DRC11: variants seen among roughly 807,000 people sequenced by gnomAD.
The protein encoded by DRC11 is IQ and AAA domain-containing protein 1.
chr2:236,465,647 G>C, the DRC11 span: 1 of 1,613,836 alleles, frequency 6.2e-7, no homozygotes. The surrounding 1 kb of genome is among the most constrained non-coding windows in gnomAD (Gnocchi z 6.2). Context: ...TCATTCCGCA[G>C]GCGGTCCACC....
chr2:236,367,263 A>G, the DRC11 span, among the ~76,000 whole-genome samples: 5 of 148,298 alleles, frequency 3.4e-5, no homozygotes, highest in Admixed American at 1.4e-4. The surrounding 1 kb of genome is among the most constrained non-coding windows in gnomAD (Gnocchi z 4.8). Flanking sequence ...TTTGTTATAT[A>G]TAATATAAAT....
chr2:236,325,153 C>T, the DRC11 span, among the ~76,000 whole-genome samples: 95 of 152,178 alleles, frequency 6.2e-4, no homozygotes, highest in South Asian at 3.5e-3. The surrounding 1 kb of genome is among the most constrained non-coding windows in gnomAD (Gnocchi z 4.4). Context: ...AAACAATGGG[C>T]GGCCATTCAA....
the DRC11 span, among the ~76,000 whole-genome samples, chr2:236,466,940 C>T: frequency 6.6e-6 from 1 of 152,206 alleles, no homozygotes; most frequent in Admixed American, 6.5e-5. Context: ...TAAGGACTAG[C>T]ATTTCTAAAG....
chr2:236,344,320 GA>G, the DRC11 span, among the ~76,000 whole-genome samples: 2 of 152,152 alleles, frequency 1.3e-5, no homozygotes, highest in African/African-American at 4.8e-5. Context: ...TGTTTGGGTG[GA>G]AAATCCCTCT....
chr2:236,491,467 G>A, the DRC11 span, among the ~76,000 whole-genome samples: 1 of 151,626 alleles, frequency 6.6e-6, no homozygotes, highest in Non-Finnish European at 1.5e-5. Context: ...GAACACAGAA[G>A]CCTGTCTGCT....
the DRC11 span, chr2:236,497,041 T>C: frequency 2.5e-6 from 2 of 793,464 alleles, no homozygotes; most frequent in Non-Finnish European, 4.0e-6. The surrounding 1 kb of genome is among the most constrained non-coding windows in gnomAD (Gnocchi z 5.1). Flanking sequence ...ATGTTTAGAT[T>C]TTCCGTACAC....
the DRC11 span, among the ~76,000 whole-genome samples, chr2:236,501,880 T>C: frequency 0.012 from 1,840 of 152,222 alleles, 44 homozygotes; most frequent in African/African-American, 0.042. Flanking sequence ...CAGCTCCAGA[T>C]CAAAAGAATT....
chr2:236,358,687 T>C, the DRC11 span, among the ~76,000 whole-genome samples: 2 of 148,840 alleles, frequency 1.3e-5, no homozygotes, highest in African/African-American at 5.0e-5. Flanking sequence ...ACTTTCTCTT[T>C]TAACTGCATC....
chr2:236,498,523 G>A, the DRC11 span, among the ~76,000 whole-genome samples: 1 of 151,818 alleles, frequency 6.6e-6, no homozygotes, highest in African/African-American at 2.4e-5. Context: ...GAGCTCTCTG[G>A]AATGCACCAG....
the DRC11 span, among the ~76,000 whole-genome samples, chr2:236,483,354 G>C: frequency 6.6e-6 from 1 of 152,180 alleles, no homozygotes; most frequent in African/African-American, 2.4e-5. The surrounding 1 kb of genome is among the most constrained non-coding windows in gnomAD (Gnocchi z 4.8). Flanking sequence ...GGACAGGCTG[G>C]GTCCCAAGGG....
At chr2:236,354,372 G>A in the DRC11 span, among the ~76,000 whole-genome samples, 1 of 143,896 alleles carries the variant, frequency 6.9e-6, no homozygotes, top group African/African-American at 2.6e-5. Flanking sequence ...GTTGGTGCTA[G>A]TAACAGGAAC....
At chr2:236,465,750 A>T in the DRC11 span, 1 of 1,256,648 alleles carries the variant, frequency 8.0e-7, no homozygotes, top group Non-Finnish European at 1.2e-6. The surrounding 1 kb of genome is among the most constrained non-coding windows in gnomAD (Gnocchi z 6.2). Flanking sequence ...AGGTCATAAA[A>T]GTTACAGAGT....
chr2:236,493,024 CTT>C, the DRC11 span, among the ~76,000 whole-genome samples: 1 of 152,216 alleles, frequency 6.6e-6, no homozygotes, highest in East Asian at 1.9e-4. Flanking sequence ...CTGATAAAGA[CTT>C]ACCTGAGACT....
At chr2:236,481,359 G>A in the DRC11 span, among the ~76,000 whole-genome samples, 1 of 152,254 alleles carries the variant, frequency 6.6e-6, no homozygotes, top group Admixed American at 6.5e-5. Context: ...TGAGTCTGGG[G>A]GAGATTTTTT....
chr2:236,409,421 G>A, the DRC11 span, among the ~76,000 whole-genome samples: 109 of 152,182 alleles, frequency 7.2e-4, no homozygotes, highest in South Asian at 1.7e-3. Context: ...TCTGTTGTTG[G>A]TGTATAAGAA....
At chr2:236,485,044 G>T in the DRC11 span, among the ~76,000 whole-genome samples, 1 of 152,158 alleles carries the variant, frequency 6.6e-6, no homozygotes, top group Admixed American at 6.5e-5. Flanking sequence ...AATCTTTTCA[G>T]CATTTGCTAC....
At chr2:236,387,033 T>C in the DRC11 span, among the ~76,000 whole-genome samples, 2 of 151,932 alleles carry the variant, frequency 1.3e-5, no homozygotes, top group East Asian at 1.9e-4. Flanking sequence ...AGAGATAGTT[T>C]GTTATAATTT....
chr2:236,427,514 C>T, the DRC11 span, among the ~76,000 whole-genome samples: 16 of 152,074 alleles, frequency 1.1e-4, no homozygotes, highest in East Asian at 2.9e-3. This position sits in a 1 kb window ranked among gnomAD's most constrained non-coding sequence, Gnocchi z 5.9. Flanking sequence ...TTATCCATTT[C>T]TTCTAGGCTA....
At chr2:236,493,981 G>C in the DRC11 span, 1 of 1,062,214 alleles carries the variant, frequency 9.4e-7, no homozygotes, top group East Asian at 3.0e-5. Context: ...GCACATCAAA[G>C]ACGCTTGCTT....
Sources: gnomAD v4.1 joint callset for allele counts (sites outside exome capture counted in the v4.1 genomes callset) on GRCh38, gnomAD v4.1.1 for gene constraint, Gnocchi (gnomAD v3.1) non-coding constraint, MANE v1.5 for transcripts, NCBI Gene and HGNC (gene_info 2026-07-23, HGNC 2026-07-21) for gene names.